RNF146: variants seen among roughly 807,000 people sequenced by gnomAD.
RNF146 encodes the protein E3 ubiquitin-protein ligase RNF146.
RNF146 carries 11 observed loss-of-function variants against 29.7 expected under a neutral mutation model. The ratio of observed to expected loss-of-function variants is 0.37; its 90% CI spans 0.23 to 0.61. RNF146 has a LOEUF of 0.61. RNF146 is among the 20% of genes least tolerant of loss of function. The pLI is 0.66. For synonymous variants in RNF146, 150 were observed against 159.7 expected, an observed-to-expected ratio of 0.94 and a Z score of 0.46; for missense variants, 342 against 438.9, an observed-to-expected ratio of 0.78 and a Z score of 1.97.
At chr6:127,285,591 A>T (rs1187390266) in intron 2 of RNF146, among the ~76,000 whole-genome samples, 3 of 150,010 alleles carry the variant, frequency 2.0e-5, no homozygotes, top group Non-Finnish European at 4.4e-5. Context: ...GGGCACAATA[A>T]CACAATAAGG....
At chr6:127,271,764 C>A (rs1473824103) in intron 1 of RNF146, among the ~76,000 whole-genome samples, 2 of 152,026 alleles carry the variant, frequency 1.3e-5, no homozygotes, top group Admixed American at 6.6e-5. Context: ...AATGTAGAAA[C>A]GTTGGATTAA....
intron 1 of RNF146, among the ~76,000 whole-genome samples, chr6:127,267,470 A>G (rs530282449): frequency 6.6e-6 from 1 of 152,082 alleles, no homozygotes; most frequent in South Asian, 2.1e-4. Context: ...AGCCTGCTCC[A>G]TGTTTTCCCG....
intron 1 of RNF146, among the ~76,000 whole-genome samples, chr6:127,269,903 T>A (rs968872502): frequency 6.6e-6 from 1 of 152,168 alleles, no homozygotes; most frequent in African/African-American, 2.4e-5. Context: ...GTATTTTGAA[T>A]AAATGGCAAA....
chr6:127,282,699 C>T (rs1339944047), intron 2 of RNF146, among the ~76,000 whole-genome samples: 1 of 151,708 alleles, frequency 6.6e-6, no homozygotes, highest in East Asian at 1.9e-4. Flanking sequence ...GCCATACCTC[C>T]TCCTGCATTA....
chr6:127,267,410 G>A (rs939457167), intron 1 of RNF146, among the ~76,000 whole-genome samples: 15 of 152,124 alleles, frequency 9.9e-5, no homozygotes, highest in African/African-American at 3.6e-4. Flanking sequence ...GCCTTTACCC[G>A]GGGACCTTCT....
intron 1 of RNF146, among the ~76,000 whole-genome samples, chr6:127,267,390 G>T (rs1370895803): frequency 1.3e-5 from 2 of 152,146 alleles, no homozygotes; most frequent in Non-Finnish European, 2.9e-5. Context: ...CCTCTGGGCC[G>T]TGGTTTTAGG....
chr6:127,275,995 T>C (rs756211761), intron 1 of RNF146, among the ~76,000 whole-genome samples: 2 of 152,082 alleles, frequency 1.3e-5, no homozygotes, highest in African/African-American at 2.4e-5. Flanking sequence ...GCTTCACATA[T>C]GGAAGAAACC....
chr6:127,271,741 A>G (rs1777528935), intron 1 of RNF146, among the ~76,000 whole-genome samples: 1 of 152,222 alleles, frequency 6.6e-6, no homozygotes, highest in South Asian at 2.1e-4. Context: ...ATATTGAAAC[A>G]TACTGAAGCA....
intron 2 of RNF146, chr6:127,280,546 C>A: frequency 8.1e-7 from 1 of 1,237,054 alleles, no homozygotes; most frequent in African/African-American, 1.6e-5. Context: ...GGAAAAGTCT[C>A]TATAAGAAAA....
intron 2 of RNF146, among the ~76,000 whole-genome samples, chr6:127,284,348 T>C (rs1415675330): frequency 6.6e-6 from 1 of 151,872 alleles, no homozygotes; most frequent in Non-Finnish European, 1.5e-5. Flanking sequence ...CTGTTGTTTT[T>C]CCAAAGTAAT....
At position 127,287,893 on chromosome 6, in the gene RNF146, AGTT is replaced by A; in HGVS notation, c.*202_*204del. ...TAATGTAAGGAACTTGGGTGTTAAT[AGTT>A]GAGAGCTGTTTAGTAATAACCCAGT... On this transcript the variant is annotated 3_prime_UTR_variant, in exon 3 of 3. Transcript: ENST00000368314. 1 of 468,898 alleles carries A rather than the reference AGTT, an allele frequency of 2.1e-6. No individual in the cohort carries two copies. 29.0% of individuals were successfully genotyped at this position (468,898 alleles called of 1,614,324 possible).
chr6:127,276,973 T>G (rs1778298162), intron 1 of RNF146, among the ~76,000 whole-genome samples: 1 of 152,050 alleles, frequency 6.6e-6, no homozygotes, highest in Non-Finnish European at 1.5e-5. Context: ...TAACAAGCAA[T>G]TTCAGTGATT....
chr6:127,273,637 G>C (rs1777792848), intron 1 of RNF146, among the ~76,000 whole-genome samples: 1 of 151,920 alleles, frequency 6.6e-6, no homozygotes, highest in Non-Finnish European at 1.5e-5. Context: ...CTGTGTTGTT[G>C]AAAGGTCAGC....
chr6:127,266,742 CAG>C (rs1228173514), upstream of RNF146: 3 of 152,184 alleles, frequency 2.0e-5, no homozygotes, highest in Non-Finnish European at 2.9e-5. Flanking sequence ...CGGCGCGAGA[CAG>C]GGGCAGAACG....
intron 2 of RNF146, among the ~76,000 whole-genome samples, chr6:127,284,922 T>A (rs1428600278): frequency 6.6e-6 from 1 of 151,870 alleles, no homozygotes; most frequent in East Asian, 1.9e-4. Context: ...ATGCATTTTA[T>A]GTGTGGCCCA....
At chr6:127,285,667 CTA>C (rs1779417863) in intron 2 of RNF146, among the ~76,000 whole-genome samples, 1 of 151,174 alleles carries the variant, frequency 6.6e-6, no homozygotes, top group Non-Finnish European at 1.5e-5. Flanking sequence ...GCTTGTATGA[CTA>C]TTTGACTCAG....
chr6:127,287,766 C>G lies in RNF146; in HGVS notation c.*73C>G. Reference sequence around the variant, plus strand: ...AAATTTCTGCCCACATAACATTATACTCATCCCTAGTAGTGCATTTTGGGA... The same window carrying G: ...AAATTTCTGCCCACATAACATTATAGTCATCCCTAGTAGTGCATTTTGGGA... On this transcript the variant is annotated 3_prime_UTR_variant, in exon 3 of 3. Transcript: ENST00000368314. 1 of 934,686 alleles carries G rather than the reference C, an allele frequency of 1.1e-6. No individual in the cohort carries two copies. The highest frequency in any genetic ancestry group is 1.7e-6 in the Non-Finnish European group (1 of 603,052). 57.9% of individuals were successfully genotyped at this position (934,686 alleles called of 1,614,324 possible).
chr6:127,273,674 TAAAG>T (rs2114437543), intron 1 of RNF146, among the ~76,000 whole-genome samples: 1 of 152,012 alleles, frequency 6.6e-6, no homozygotes, highest in East Asian at 1.9e-4. Flanking sequence ...CAAAGATCTT[TAAAG>T]AAAGAAATGA....
upstream of RNF146, chr6:127,266,739 A>G (rs538365821): frequency 6.6e-6 from 1 of 152,138 alleles, no homozygotes; most frequent in Non-Finnish European, 1.5e-5. Context: ...CAGCGGCGCG[A>G]GACAGGGGCA....
Sources: allele counts gnomAD v4.1 joint callset (sites outside exome capture counted in the v4.1 genomes callset), GRCh38; gene constraint gnomAD v4.1.1; transcripts MANE v1.5; gene names NCBI Gene and HGNC (gene_info 2026-07-23, HGNC 2026-07-21).